FIGN: variants seen among roughly 807,000 people sequenced by gnomAD.
FIGN encodes the protein fidgetin.
In FIGN, 11 loss-of-function variants were observed where a neutral mutation model predicts 51.3. The observed-to-expected ratio is 0.21, with a 90% CI of 0.13 to 0.35. FIGN has a LOEUF of 0.35. Ranked by LOEUF, FIGN falls within the 10% of genes least tolerant of loss-of-function variation. The pLI is 1.00. For missense variants in FIGN, 857 were observed against 943.6 expected (o/e 0.91, Z 1.20); for synonymous variants, 407 against 363.2 (o/e 1.12, Z -1.37).
intron 2 of FIGN, among the ~76,000 whole-genome samples, chr2:163,644,204 G>A (rs1167502823): frequency 6.6e-6 from 1 of 152,034 alleles, no homozygotes. Context: ...CTTGTATTTA[G>A]AATATATAAA....
intron 2 of FIGN, among the ~76,000 whole-genome samples, chr2:163,681,137 TC>T (rs1684055866): frequency 6.6e-6 from 1 of 152,190 alleles, no homozygotes; most frequent in South Asian, 2.1e-4. Flanking sequence ...AGGGCCATTT[TC>T]TTAAGTGTTT....
At chr2:163,677,517 C>G (rs1039160726) in intron 2 of FIGN, among the ~76,000 whole-genome samples, 1 of 152,136 alleles carries the variant, frequency 6.6e-6, no homozygotes, top group African/African-American at 2.4e-5. Flanking sequence ...TTAATTTAAA[C>G]AAATTTAAAT....
intron 2 of FIGN, among the ~76,000 whole-genome samples, chr2:163,701,262 G>A (rs1037113593): frequency 6.6e-6 from 1 of 152,076 alleles, no homozygotes; most frequent in Admixed American, 6.6e-5. Context: ...CTTACCTCTT[G>A]GAATTGTGAG....
intron 2 of FIGN, among the ~76,000 whole-genome samples, chr2:163,624,874 C>T (rs1261142445): frequency 6.6e-6 from 1 of 151,642 alleles, no homozygotes; most frequent in Non-Finnish European, 1.5e-5. Flanking sequence ...CAATCTTTAG[C>T]GTGAATGTAA....
At chr2:163,734,454 C>T (rs1684982679) in intron 2 of FIGN, among the ~76,000 whole-genome samples, 1 of 149,928 alleles carries the variant, frequency 6.7e-6, no homozygotes, top group Non-Finnish European at 1.5e-5. Flanking sequence ...AATTTTCATC[C>T]AGTCCTGTTC....
chr2:163,683,896 C>T (rs1684104864), intron 2 of FIGN, among the ~76,000 whole-genome samples: 1 of 151,914 alleles, frequency 6.6e-6, no homozygotes, highest in Admixed American at 6.6e-5. Context: ...TGTTTTTTTT[C>T]ATACTCTGCT....
intron 2 of FIGN, among the ~76,000 whole-genome samples, chr2:163,631,309 A>G (rs1253583212): frequency 6.6e-6 from 1 of 152,234 alleles, no homozygotes; most frequent in Admixed American, 6.5e-5. Context: ...ATTTGCACAA[A>G]GAAAGGGAGG....
At chr2:163,626,029 T>C (rs996245510) in intron 2 of FIGN, among the ~76,000 whole-genome samples, 2 of 152,162 alleles carry the variant, frequency 1.3e-5, no homozygotes, top group African/African-American at 4.8e-5. Context: ...TTCTTTCTTC[T>C]AACCTCACAA....
At chr2:163,735,410 T>G (rs1684999595) in intron 1 of FIGN, among the ~76,000 whole-genome samples, 1 of 152,228 alleles carries the variant, frequency 6.6e-6, no homozygotes, top group African/African-American at 2.4e-5. Context: ...TAACCTCAAC[T>G]TTTTGTGTGT....
At chr2:163,628,356 A>G (rs1683089724) in intron 2 of FIGN, among the ~76,000 whole-genome samples, 1 of 152,204 alleles carries the variant, frequency 6.6e-6, no homozygotes, top group Non-Finnish European at 1.5e-5. Flanking sequence ...AAAGTTGGTC[A>G]AAAGCACGAT....
chr2:163,639,660 C>T (rs1253591101), intron 2 of FIGN, among the ~76,000 whole-genome samples: 1 of 152,058 alleles, frequency 6.6e-6, no homozygotes, highest in Admixed American at 6.6e-5. Flanking sequence ...GGAATGGACC[C>T]AGATACACTG....
intron 2 of FIGN, among the ~76,000 whole-genome samples, chr2:163,618,004 T>C (rs2105303684): frequency 6.6e-6 from 1 of 152,300 alleles, no homozygotes; most frequent in Non-Finnish European, 1.5e-5. Flanking sequence ...AAGTCAGTTT[T>C]CCTTCAACCT....
At chr2:163,682,641 T>C (rs945887229) in intron 2 of FIGN, among the ~76,000 whole-genome samples, 2 of 152,190 alleles carry the variant, frequency 1.3e-5, no homozygotes, top group Admixed American at 6.5e-5. Context: ...CATTGAATGA[T>C]TGCTTTTATA....
At chr2:163,628,282 C>A (rs1466166100) in intron 2 of FIGN, among the ~76,000 whole-genome samples, 2 of 152,118 alleles carry the variant, frequency 1.3e-5, no homozygotes, top group African/African-American at 2.4e-5. Flanking sequence ...TGAGGTAGAT[C>A]TTGGACATTG....
At chr2:163,691,881 A>C (rs934414307) in intron 2 of FIGN, among the ~76,000 whole-genome samples, 1 of 152,166 alleles carries the variant, frequency 6.6e-6, no homozygotes, top group African/African-American at 2.4e-5. Flanking sequence ...TGTCCAAAGA[A>C]AAGACAAATC....
chr2:163,653,125 G>A (rs1186989813), intron 2 of FIGN, among the ~76,000 whole-genome samples: 1 of 152,074 alleles, frequency 6.6e-6, no homozygotes, highest in Non-Finnish European at 1.5e-5. Context: ...CATCTGTAAA[G>A]CAGTACCTAC....
At chr2:163,703,397 G>A (rs1684440472) in intron 2 of FIGN, among the ~76,000 whole-genome samples, 1 of 152,090 alleles carries the variant, frequency 6.6e-6, no homozygotes, top group Admixed American at 6.6e-5. Flanking sequence ...TAAAAGGAAG[G>A]TTGAACATGC....
intron 2 of FIGN, among the ~76,000 whole-genome samples, chr2:163,723,083 G>T (rs1372115601): frequency 6.6e-6 from 1 of 151,754 alleles, no homozygotes; most frequent in African/African-American, 2.4e-5. Flanking sequence ...CCCAGCTGCT[G>T]GGGAGGCTGA....
In FIGN at chr2:163,603,037, A is replaced by T. The variant is rs1457357005; in HGVS notation, c.*6515T>A. The T allele has an allele frequency of 5.3e-5, 8 of 151,366 alleles. No homozygotes were observed. The highest frequency in any genetic ancestry group is 1.2e-4 in the Non-Finnish European group (8 of 67,966). The allele number at this position is 151,366 out of a possible 1,614,324, so 9.4% of individuals were successfully genotyped here. ...AACCATATAATGATCCCATCAAAAT[A>T]AAAAAAATCTAAGCAGAAATGTCTC... On this transcript the variant is annotated 3_prime_UTR_variant, in exon 3 of 3. Coordinates refer to ENST00000333129, the MANE Select transcript of FIGN (RefSeq NM_018086.4).
Sources: allele counts gnomAD v4.1 joint callset (sites outside exome capture counted in the v4.1 genomes callset), GRCh38; gene constraint gnomAD v4.1.1; transcripts MANE v1.5; gene names NCBI Gene and HGNC (gene_info 2026-07-23, HGNC 2026-07-21).